SLC8A3: variants seen among roughly 807,000 people sequenced by gnomAD.
SLC8A3 encodes the protein solute carrier family 8 member A3, also known as sodium/calcium exchanger 3.
A neutral mutation model predicts 65.4 loss-of-function variants in SLC8A3; 37 were observed. The observed-to-expected ratio is 0.57, with a 90% CI of 0.44 to 0.74. The LOEUF is 0.74. SLC8A3 is among the 30% of genes least tolerant of loss of function. The pLI, the probability that SLC8A3 is intolerant of heterozygous loss-of-function variation, is 0.00. For missense variants in SLC8A3, 1,112 were observed against 1,172.1 expected, an observed-to-expected ratio of 0.95 and a Z score of 0.75; for synonymous variants, 461 against 444.5, an observed-to-expected ratio of 1.04 and a Z score of -0.47.
intron 2 of SLC8A3, among the ~76,000 whole-genome samples, chr14:70,083,683 A>C (rs1241550132): frequency 3.9e-5 from 6 of 152,216 alleles, no homozygotes; most frequent in African/African-American, 1.4e-4. Flanking sequence ...AGTGAAGTCT[A>C]TGCAGTTAGG....
At chr14:70,118,582 T>C (rs1351694633) in intron 2 of SLC8A3, among the ~76,000 whole-genome samples, 1 of 152,226 alleles carries the variant, frequency 6.6e-6, no homozygotes, top group Non-Finnish European at 1.5e-5. Flanking sequence ...AAAGAATGCC[T>C]TTGCTAGTGG....
At chr14:70,177,206 G>A (rs895352261) in intron 1 of SLC8A3, among the ~76,000 whole-genome samples, 4 of 152,202 alleles carry the variant, frequency 2.6e-5, no homozygotes, top group Non-Finnish European at 5.9e-5. Context: ...ATTGAATGAA[G>A]GAGTACATGG....
At chr14:70,120,644 G>A (rs896179688) in intron 2 of SLC8A3, among the ~76,000 whole-genome samples, 3 of 152,192 alleles carry the variant, frequency 2.0e-5, no homozygotes, top group African/African-American at 7.2e-5. Flanking sequence ...AGACAGCCGG[G>A]TCCTGTCCTC....
chr14:70,064,531 G>T (rs1889190597), intron 2 of SLC8A3, among the ~76,000 whole-genome samples: 1 of 118,088 alleles, frequency 8.5e-6, no homozygotes, highest in East Asian at 2.5e-4. Flanking sequence ...CGGCGGGAGG[G>T]TTGGGTCGGG....
chr14:70,159,526 G>A (rs1247537719), intron 2 of SLC8A3, among the ~76,000 whole-genome samples: 1 of 152,124 alleles, frequency 6.6e-6, no homozygotes, highest in African/African-American at 2.4e-5. Context: ...ACAGGGCCTA[G>A]CTAAAGGGTG....
chr14:70,133,389 C>T (rs999782826), intron 2 of SLC8A3, among the ~76,000 whole-genome samples: 3 of 152,180 alleles, frequency 2.0e-5, no homozygotes, highest in Admixed American at 6.5e-5. Flanking sequence ...CAGCCACCTC[C>T]TCCTTCACTG....
At chr14:70,070,203 T>C (rs975811670) in intron 2 of SLC8A3, among the ~76,000 whole-genome samples, 3 of 152,166 alleles carry the variant, frequency 2.0e-5, no homozygotes, top group Non-Finnish European at 2.9e-5. Context: ...AACTTACCAA[T>C]AGTTACATAG....
intron 2 of SLC8A3, among the ~76,000 whole-genome samples, chr14:70,159,793 C>A (rs1001195170): frequency 1.3e-5 from 2 of 152,156 alleles, no homozygotes; most frequent in Admixed American, 1.3e-4. Flanking sequence ...CAAGCAGTGC[C>A]CAGGAGAGCC....
chr14:70,114,357 G>C (rs1893515697), intron 2 of SLC8A3, among the ~76,000 whole-genome samples: 1 of 152,154 alleles, frequency 6.6e-6, no homozygotes, highest in Non-Finnish European at 1.5e-5. Context: ...GACACACTAA[G>C]GGCTTTTGGC....
At chr14:70,064,009 AG>A in intron 2 of SLC8A3, 1 of 775,756 alleles carries the variant, frequency 1.3e-6, no homozygotes, top group South Asian at 1.6e-5. Context: ...CGGGAAGAGA[AG>A]GAAACAGTTA....
intron 2 of SLC8A3, chr14:70,080,122 A>C (rs1594950483): frequency 1.0e-6 from 1 of 984,554 alleles, no homozygotes; most frequent in South Asian, 4.7e-5. Context: ...TGACTTATCC[A>C]CCCTCCTGGC....
In SLC8A3 at chr14:70,150,901, G is replaced by T. The variant is rs1159851953; in HGVS notation, c.1784+15738C>A. ...CAGCCATCGAAAAGGTCAAAAAGCAGAAATGAGCAATGCAGTTCATGGCTG... is the reference window on the plus strand; with the variant it reads ...CAGCCATCGAAAAGGTCAAAAAGCATAAATGAGCAATGCAGTTCATGGCTG... On this transcript the variant is annotated intron_variant, in intron 2 of 6. Transcript: ENST00000356921. Among the ~76,000 whole-genome samples, 3 of 152,304 alleles carry T rather than the reference G, an allele frequency of 2.0e-5. No individual in the cohort carries two copies. In the East Asian group the frequency reaches 5.8e-4, roughly 29 times the overall value.
chr14:70,146,417 G>A (rs184321199), intron 2 of SLC8A3, among the ~76,000 whole-genome samples: 1 of 152,218 alleles, frequency 6.6e-6, no homozygotes, highest in Non-Finnish European at 1.5e-5. Flanking sequence ...CTCATCCAAT[G>A]CCTAGAAGAG....
chr14:70,167,432 C>A lies in SLC8A3; in HGVS notation c.991G>T (p.Asp331Tyr). ...GCCATCTCCACCAGCTGATCTAAGT[C>A]CTTCTCTGGGTGTTTTTGCTTCAGA... is the stretch of plus-strand genomic sequence containing the variant. ...KDLKQKHPEK[D>Y]LDQLVEMANY... Residue 331 changes from aspartate to tyrosine, a missense_variant, in exon 2 of 7, where the codon GAC becomes TAC. Physicochemically the swap from Asp to Tyr is radical, Grantham distance 160. Coordinates refer to ENST00000356921, the MANE Select transcript of SLC8A3 (RefSeq NM_182932.3). The A allele has an allele frequency of 6.2e-7, 1 of 1,614,084 alleles. No individual in the cohort carries two copies. The highest frequency in any genetic ancestry group is 8.5e-7 in the Non-Finnish European group (1 of 1,180,022).
rs55890014 is a variant in SLC8A3, at chr14:70,116,321, CTGTGTGTGTGTGTGTGTG to C, written c.1784+50300_1784+50317del. On this transcript the variant is annotated intron_variant, in intron 2 of 6. Transcript: ENST00000356921. ...AACTAAATGGCGAGCATTGAGAACA[CTGTGTGTGTGTGTGTGTG>C]TGTGTGTGTGTGTGTGTATGTGTGT... Among the ~76,000 whole-genome samples, 4 of 147,768 alleles carry C rather than the reference CTGTGTGTGTGTGTGTGTG, an allele frequency of 2.7e-5. No homozygotes were observed. In the East Asian group the frequency reaches 8.1e-4, roughly 30 times the overall value.
At chr14:70,177,710 T>C (rs117664958) in intron 1 of SLC8A3, among the ~76,000 whole-genome samples, 184 of 152,284 alleles carry the variant, frequency 1.2e-3, no homozygotes, top group Non-Finnish European at 2.2e-3. Context: ...AAGTGAGGAA[T>C]CGCTGGTAAG....
At chr14:70,070,326 C>T (rs1312483905) in intron 2 of SLC8A3, among the ~76,000 whole-genome samples, 1 of 152,206 alleles carries the variant, frequency 6.6e-6, no homozygotes, top group East Asian at 1.9e-4. Flanking sequence ...ATTTTCTCTG[C>T]ACACATTATC....
chr14:70,128,284 CTT>C (rs1555377845), intron 2 of SLC8A3, among the ~76,000 whole-genome samples: 1 of 152,174 alleles, frequency 6.6e-6, no homozygotes, highest in Non-Finnish European at 1.5e-5. Context: ...GCAAAACTAA[CTT>C]TTCTAGAATA....
intron 2 of SLC8A3, among the ~76,000 whole-genome samples, chr14:70,139,765 C>T (rs1166803632): frequency 6.6e-6 from 1 of 152,138 alleles, no homozygotes; most frequent in Non-Finnish European, 1.5e-5. Flanking sequence ...GATGAATGGA[C>T]CTGACCTAAG....
Sources: gnomAD v4.1 joint callset for allele counts (sites outside exome capture counted in the v4.1 genomes callset) on GRCh38, gnomAD v4.1.1 for gene constraint, MANE v1.5 for transcripts, NCBI Gene and HGNC (gene_info 2026-07-23, HGNC 2026-07-21) for gene names.